ACADM: variants seen among roughly 807,000 people sequenced by gnomAD.
ACADM encodes acyl-CoA dehydrogenase medium chain.
In ACADM, 49 loss-of-function variants were observed where a neutral mutation model predicts 58.9. That is an observed-to-expected ratio of 0.83 (90% CI 0.66 to 1.06). The LOEUF is 1.06. Ranked by LOEUF, ACADM falls within the 50% of genes least tolerant of loss-of-function variation. The pLI, the probability that ACADM is intolerant of heterozygous loss-of-function variation, is 0.00. For missense variants in ACADM, 496 were observed against 507.0 expected (o/e 0.98, Z 0.21); for synonymous variants, 160 against 157.7 (o/e 1.01, Z -0.11).
chr1:75,737,157 G>C (rs1437555448), intron 6 of ACADM, among the ~76,000 whole-genome samples: 1 of 150,228 alleles, frequency 6.7e-6, no homozygotes, highest in Non-Finnish European at 1.5e-5. Context: ...AACAGGCCAG[G>C]CATGGTGGCT....
At chr1:75,734,330 A>ATTTTT (rs35823639) in intron 5 of ACADM, among the ~76,000 whole-genome samples, 1 of 133,376 alleles carries the variant, frequency 7.5e-6, no homozygotes. Flanking sequence ...TGCCCGGCTA[A>ATTTTT]TTTTTTTTTT....
intron 1 of ACADM, 127 bp downstream of exon 1, chr1:75,724,944 C>G (rs540887454): frequency 5.1e-6 from 5 of 975,664 alleles, no homozygotes; most frequent in Non-Finnish European, 6.9e-6. Context: ...AGGAGCCAGC[C>G]TAGGGGCCCC....
At chr1:75,754,859 G>C (rs1195098739) in intron 10 of ACADM, 1 of 152,338 alleles carries the variant, frequency 6.6e-6, no homozygotes, top group Non-Finnish European at 1.5e-5. Context: ...CCCTTTCCTA[G>C]CTAAGGGAAA....
rs766532148 is a variant in ACADM, at chr1:75,762,750, A to G, written c.1253A>G (p.Lys418Arg). 5 of 1,601,184 alleles carry G rather than the reference A, an allele frequency of 3.1e-6. No individual in the cohort carries two copies. In the Admixed American group the frequency reaches 5.0e-5, roughly 16 times the overall value. Residue 418 changes from lysine (K) to arginine (R), a missense_variant, in exon 12 of 12, where the codon AAG becomes AGG. Lys to Arg is a conservative substitution (Grantham distance 26, BLOSUM62 2). Transcript: ENST00000370841. The stretch of plus-strand genomic sequence containing the variant: ...ATTGTAGCCCGTGAACACATTGACA[A>G]GTACAAAAATTAAAAAAATTACTGT... ...RLIVAREHIDKYKN is the reference protein window; with the variant it reads ...RLIVAREHIDRYKN
At chr1:75,742,181 G>A (rs1647611116) in intron 7 of ACADM, among the ~76,000 whole-genome samples, 1 of 147,886 alleles carries the variant, frequency 6.8e-6, no homozygotes, top group African/African-American at 2.5e-5. Context: ...TCACTTCTTG[G>A]CTCAAGATAC....
At chr1:75,726,800 CTTTTTT>C (rs748703972) in intron 1 of ACADM, among the ~76,000 whole-genome samples, 1 of 119,844 alleles carries the variant, frequency 8.3e-6, no homozygotes. Context: ...AACTGTTTCA[CTTTTTT>C]TTTTTTTTTT....
At chr1:75,752,542 T>A (rs1259888184) in intron 10 of ACADM, among the ~76,000 whole-genome samples, 1 of 152,204 alleles carries the variant, frequency 6.6e-6, no homozygotes, top group East Asian at 1.9e-4. Flanking sequence ...TTTTTTCAGA[T>A]CTGCTTTCTA....
chr1:75,758,212 G>A (rs754752419), intron 10 of ACADM, among the ~76,000 whole-genome samples: 1 of 151,960 alleles, frequency 6.6e-6, no homozygotes, highest in Non-Finnish European at 1.5e-5. Flanking sequence ...ACAGGCACCT[G>A]CCACCATGCC....
intron 10 of ACADM, among the ~76,000 whole-genome samples, chr1:75,759,211 C>A (rs1160457709): frequency 6.6e-6 from 1 of 152,110 alleles, no homozygotes; most frequent in African/African-American, 2.4e-5. Context: ...TCTGGACACA[C>A]TCTTGGGTGT....
At position 75,763,278 on chromosome 1, in the gene ACADM, TCTC is replaced by T. The variant is rs1648948538; in HGVS notation, c.*518_*520del. The T allele has an allele frequency of 6.6e-6, 1 of 152,242 alleles. No homozygotes were observed. The highest frequency in any genetic ancestry group is 1.5e-5 in the Non-Finnish European group (1 of 68,078). The allele number at this position is 152,242 out of a possible 1,614,324, so 9.4% of individuals were successfully genotyped here. On this transcript the variant is annotated 3_prime_UTR_variant, in exon 12 of 12. Coordinates refer to ENST00000370841, the MANE Select transcript of ACADM (RefSeq NM_000016.6). ...ACAGTCAAAATTTTGACATTCATAT[TCTC>T]CTATTTTACAGCTACAAGAACTTTC... is the stretch of plus-strand genomic sequence containing the variant.
chr1:75,736,564 A>G (rs1647273698), intron 6 of ACADM, among the ~76,000 whole-genome samples: 1 of 152,146 alleles, frequency 6.6e-6, no homozygotes, highest in Non-Finnish European at 1.5e-5. Context: ...CTCCATATCC[A>G]TGAGGGAATA....
chr1:75,733,347 T>G (rs1647185194), intron 4 of ACADM, 181 bp from the exon 5 acceptor site: 2 of 1,002,344 alleles, frequency 2.0e-6, no homozygotes, highest in Non-Finnish European at 2.9e-6. Flanking sequence ...TTTTGAAAAT[T>G]TTAGAGCTTT....
intron 6 of ACADM, among the ~76,000 whole-genome samples, chr1:75,738,881 T>C (rs1329792601): frequency 6.6e-6 from 1 of 152,184 alleles, no homozygotes; most frequent in Non-Finnish European, 1.5e-5. Flanking sequence ...CCATTACTGC[T>C]TGTGTCTTGT....
chr1:75,735,305 G>A (rs1168946075), intron 6 of ACADM, among the ~76,000 whole-genome samples: 1 of 134,406 alleles, frequency 7.4e-6, no homozygotes, highest in African/African-American at 2.9e-5. Flanking sequence ...GACAGAGTGA[G>A]TGAGACCCTG....
chr1:75,724,961 G>C (rs1240786510), intron 1 of ACADM, 144 bp downstream of exon 1: 2 of 667,874 alleles, frequency 3.0e-6, no homozygotes, highest in African/African-American at 3.7e-5. Flanking sequence ...CCCCCAACCT[G>C]CTTTCACGCC....
chr1:75,744,855 C>T (rs1647802980), intron 7 of ACADM: 2 of 422,716 alleles, frequency 4.7e-6, no homozygotes, highest in Non-Finnish European at 8.8e-6. Context: ...TAGCATGCCC[C>T]TTAAAGAATA....
rs185669690 is a variant in ACADM at position 75,762,962 on chromosome 1, T to C, written c.*199T>C. 2 of 457,120 alleles carry C rather than the reference T, an allele frequency of 4.4e-6. No homozygotes were observed. Among genetic ancestry groups the C allele is most frequent in the East Asian group, 7.4e-5 (2 of 26,926 alleles). The allele number at this position is 457,120 out of a possible 1,614,324, so 28.3% of individuals were successfully genotyped here. ...GCAGGTTTGGTTTTTATTAAAATGA[T>C]GTGTTTTCTTTAGTACCACTTTACT... On this transcript the variant is annotated 3_prime_UTR_variant, in exon 12 of 12. Coordinates refer to ENST00000370841, the MANE Select transcript of ACADM (RefSeq NM_000016.6).
At chr1:75,736,871 A>G (rs1647283241) in intron 6 of ACADM, among the ~76,000 whole-genome samples, 1 of 152,156 alleles carries the variant, frequency 6.6e-6, no homozygotes, top group Non-Finnish European at 1.5e-5. Context: ...ATTTTTAAAT[A>G]TGTAATTGTG....
intron 7 of ACADM, chr1:75,743,695 A>T: frequency 6.7e-7 from 1 of 1,489,274 alleles, no homozygotes; most frequent in Admixed American, 1.7e-5. Flanking sequence ...CATATCTTCA[A>T]TGGCAAATTC....
Sources: gnomAD v4.1 joint callset for allele counts (sites outside exome capture counted in the v4.1 genomes callset) on GRCh38, gnomAD v4.1.1 for gene constraint, MANE v1.5 for transcripts, NCBI Gene and HGNC (gene_info 2026-07-23, HGNC 2026-07-21) for gene names.